The following ERGIC1 variants were observed in gnomAD, a reference collection of about 807,000 sequenced individuals.
ERGIC1 encodes the protein endoplasmic reticulum-golgi intermediate compartment 1, also known as endoplasmic reticulum-Golgi intermediate compartment protein 1.
In ERGIC1, 19 loss-of-function variants were observed where a neutral mutation model predicts 38.3. The observed-to-expected ratio is 0.50, with a 90% CI of 0.35 to 0.73. The LOEUF is 0.73. ERGIC1 is among the 30% of genes least tolerant of loss of function. ERGIC1 has a pLI of 0.01. For synonymous variants in ERGIC1, 124 were observed against 157.6 expected (o/e 0.79, Z 1.60); for missense variants, 294 against 389.2 (o/e 0.76, Z 2.06).
chr5:172,896,871 G>A, intron 2 of ERGIC1, 131 bp from the exon 3 acceptor site: 1 of 761,552 alleles, frequency 1.3e-6, no homozygotes, highest in Non-Finnish European at 2.2e-6. Context: ...GAGTCAGAAG[G>A]GGCTCTGGAG....
chr5:172,940,727 G>C (rs1439845373), intron 9 of ERGIC1, among the ~76,000 whole-genome samples: 1 of 152,152 alleles, frequency 6.6e-6, no homozygotes, highest in Non-Finnish European at 1.5e-5. Flanking sequence ...TGGTGCTCAG[G>C]GCCCTTGGCC....
At chr5:172,943,403 C>G (rs1764053602) in intron 9 of ERGIC1, among the ~76,000 whole-genome samples, 1 of 151,954 alleles carries the variant, frequency 6.6e-6, no homozygotes, top group African/African-American at 2.4e-5. Flanking sequence ...ACACCCCCCA[C>G]CTCTGCCTCC....
Position 172,926,455 on chromosome 5 carries a change from G to A in ERGIC1, c.481-54G>A. The A allele has an allele frequency of 1.2e-6, 2 of 1,607,550 alleles. No individual in the cohort carries two copies. The highest frequency in any genetic ancestry group is 1.7e-6 in the Non-Finnish European group (2 of 1,174,582). On this transcript the variant is annotated intron_variant, in intron 6 of 9. Transcript: ENST00000393784. The surrounding 1 kb of genome is among the most constrained non-coding windows in gnomAD (Gnocchi z 5.2). Reference sequence around the variant, plus strand: ...TGGCCATCCCCCACAACCAGGGCCAGGCCTGGAGGTGGAGGTGTCCTGGGG... The same window carrying A: ...TGGCCATCCCCCACAACCAGGGCCAAGCCTGGAGGTGGAGGTGTCCTGGGG...
intron 3 of ERGIC1, among the ~76,000 whole-genome samples, chr5:172,908,102 C>T: frequency 6.6e-6 from 1 of 151,384 alleles, no homozygotes; most frequent in Non-Finnish European, 1.5e-5. Context: ...AGGTCCCTGT[C>T]CCTGATGTGT....
intron 3 of ERGIC1, among the ~76,000 whole-genome samples, chr5:172,904,573 C>G (rs1025715728): frequency 1.3e-5 from 2 of 152,230 alleles, no homozygotes; most frequent in African/African-American, 4.8e-5. Context: ...TGGAAGTCCT[C>G]AAACCACAAT....
chr5:172,877,410 A>G (rs550946017), intron 1 of ERGIC1, among the ~76,000 whole-genome samples: 37 of 102,344 alleles, frequency 3.6e-4, no homozygotes, highest in East Asian at 1.6e-3. Context: ...TATTATATAT[A>G]TGTGTGTGTG....
At chr5:172,941,929 G>C (rs562936726) in intron 9 of ERGIC1, among the ~76,000 whole-genome samples, 1 of 152,182 alleles carries the variant, frequency 6.6e-6, no homozygotes, top group Non-Finnish European at 1.5e-5. Context: ...TGACAAGGCC[G>C]GGCGCAGTGG....
chr5:172,897,891 T>G, intron 3 of ERGIC1: 2 of 413,914 alleles, frequency 4.8e-6, no homozygotes, highest in East Asian at 7.1e-5. Context: ...GACGCAGAGT[T>G]AAACCATTCC....
intron 2 of ERGIC1, among the ~76,000 whole-genome samples, chr5:172,893,348 G>A (rs947065471): frequency 3.9e-5 from 6 of 151,990 alleles, no homozygotes; most frequent in Non-Finnish European, 7.4e-5. Flanking sequence ...GGTTTTCACC[G>A]TGTTGGCCAG....
In ERGIC1 at chr5:172,897,003, C is replaced by G; in HGVS notation, c.84C>G (p.Ile28Met). 1 of 1,614,108 alleles carries G rather than the reference C, an allele frequency of 6.2e-7. No homozygotes were observed. The highest frequency in any genetic ancestry group is 8.5e-7 in the Non-Finnish European group (1 of 1,179,932). ...TTGCATTTCTGTTGTTTCTTCCAGT[C>G]TCCATCTGCTGCTGCCTCTTCATCC... ...LTQPTYTGAI[I>M]SICCCLFILF... Residue 28 changes from isoleucine (I) to methionine (M), a missense_variant and splice_region_variant, in exon 3 of 10, where the codon ATC becomes ATG. Around this residue, in one of 3 missense-constraint regions of ERGIC1, gnomAD observed 163 missense variants for 225.8 expected, o/e 0.72. Transcript: ENST00000393784.
At chr5:172,905,326 TG>T in intron 3 of ERGIC1, 3 of 378,228 alleles carry the variant, frequency 7.9e-6, no homozygotes, top group Middle Eastern at 4.4e-4. Flanking sequence ...ACATTACAGC[TG>T]GGGTAGAAAT....
intron 1 of ERGIC1, among the ~76,000 whole-genome samples, chr5:172,865,772 C>A (rs562524169): frequency 6.6e-6 from 1 of 152,330 alleles, no homozygotes; most frequent in Middle Eastern, 3.4e-3. Context: ...GGGATTCATT[C>A]ATGTGGTCGG....
Position 172,926,727 on chromosome 5 carries a change from G to A in ERGIC1, c.541+158G>A, listed in dbSNP as rs896868126. On this transcript the variant is annotated intron_variant, in intron 7 of 9. Coordinates refer to ENST00000393784, the MANE Select transcript of ERGIC1 (RefSeq NM_001031711.3). This position sits in a 1 kb window ranked among gnomAD's most constrained non-coding sequence, Gnocchi z 5.2. ...ATTCCCACAGCTAACCAGTGGGAAG[G>A]TGGACCCAGCCCCGTCCAGACCCAG... is the stretch of plus-strand genomic sequence containing the variant. 120 of 787,832 alleles carry A rather than the reference G, an allele frequency of 1.5e-4. No homozygotes were observed. In the East Asian group the frequency reaches 3.2e-3, roughly 21 times the overall value. 48.8% of individuals were successfully genotyped at this position (787,832 alleles called of 1,614,324 possible).
At chr5:172,939,008 A>G (rs1454023329) in intron 9 of ERGIC1, among the ~76,000 whole-genome samples, 1 of 152,088 alleles carries the variant, frequency 6.6e-6, no homozygotes. Flanking sequence ...GGTTGCAGTG[A>G]GCCGAGATCA....
intron 1 of ERGIC1, among the ~76,000 whole-genome samples, chr5:172,838,614 T>C (rs1561696213): frequency 6.6e-6 from 1 of 152,132 alleles, no homozygotes; most frequent in Non-Finnish European, 1.5e-5. Context: ...AAAAATTATA[T>C]AGAGATGGGG....
At chr5:172,867,482 C>CT in intron 1 of ERGIC1, 1 of 426,236 alleles carries the variant, frequency 2.3e-6, no homozygotes, top group Admixed American at 2.6e-5. Flanking sequence ...CTGGCCTTGG[C>CT]CACTGCCTCA....
At chr5:172,886,876 C>T (rs1762436031) in intron 1 of ERGIC1, among the ~76,000 whole-genome samples, 1 of 152,152 alleles carries the variant, frequency 6.6e-6, no homozygotes. Flanking sequence ...GTTAAAGCGG[C>T]CCCCACTTTC....
At chr5:172,910,628 G>A (rs553248349) in intron 4 of ERGIC1, among the ~76,000 whole-genome samples, 198 of 150,708 alleles carry the variant, frequency 1.3e-3, no homozygotes, top group African/African-American at 3.3e-3. Context: ...GGGTTCAAGC[G>A]ATTCTTCTGC....
intron 1 of ERGIC1, among the ~76,000 whole-genome samples, chr5:172,858,135 G>C (rs1287261282): frequency 1.3e-5 from 2 of 152,216 alleles, no homozygotes; most frequent in African/African-American, 2.4e-5. Flanking sequence ...TTTGACGGCT[G>C]TCTGAAAGGT....
Sources: gnomAD v4.1 joint callset for allele counts (sites outside exome capture counted in the v4.1 genomes callset) on GRCh38, gnomAD v4.1.1 for gene constraint, gnomAD v4.1.1 regional missense constraint, Gnocchi (gnomAD v3.1) non-coding constraint, MANE v1.5 for transcripts, NCBI Gene and HGNC (gene_info 2026-07-23, HGNC 2026-07-21) for gene names.